Variants in NCOA2 observed in about 807,000 individuals in gnomAD.
NCOA2 encodes the protein class E basic helix-loop-helix protein 75.
A neutral mutation model predicts 145.1 loss-of-function variants in NCOA2; 21 were observed. That is an observed-to-expected ratio of 0.14 (90% confidence interval 0.10 to 0.21). The LOEUF is 0.21. NCOA2 is among the 10% of genes least tolerant of loss of function. The pLI, the probability that NCOA2 is intolerant of heterozygous loss-of-function variation, is 1.00. For missense variants in NCOA2, 1,472 were observed against 1,837.6 expected, an observed-to-expected ratio of 0.80 and a Z score of 3.64; for synonymous variants, 619 against 637.5, an observed-to-expected ratio of 0.97 and a Z score of 0.44.
chr8:70,284,839 G>GAGGGAGA (rs555064786), intron 2 of NCOA2, among the ~76,000 whole-genome samples: 6,880 of 147,072 alleles, frequency 0.047, 258 homozygotes, highest in East Asian at 0.19. Context: ...AGACAGGAGA[G>GAGGGAGA]AGGGAGAAGG....
chr8:70,317,747 A>G (rs1296330408), intron 1 of NCOA2, among the ~76,000 whole-genome samples: 2 of 152,056 alleles, frequency 1.3e-5, no homozygotes, highest in African/African-American at 4.8e-5. Context: ...AGGGGCATCT[A>G]TTGGTATGTA....
At chr8:70,402,489 G>C (rs1814380284) in intron 1 of NCOA2, 2 of 152,230 alleles carry the variant, frequency 1.3e-5, no homozygotes, top group Non-Finnish European at 2.9e-5. Context: ...ATCTAACCAG[G>C]GACCGACCCA....
chr8:70,406,444 A>T (rs557653631), upstream of NCOA2, among the ~76,000 whole-genome samples: 2 of 152,216 alleles, frequency 1.3e-5, no homozygotes, highest in Non-Finnish European at 2.9e-5. Flanking sequence ...AAATTAAGAA[A>T]GGAAGAAGAA....
At position 70,166,632 on chromosome 8, in the gene NCOA2, G is replaced by C. The variant is rs1813647118; in HGVS notation, c.664C>G (p.Gln222Glu). The change falls in exon 7 of 23, where the codon CAG becomes GAG. Residue 222 changes from glutamine (Q) to glutamate (E), a missense_variant. Around this residue, in one of 4 missense-constraint regions of NCOA2, gnomAD observed 284 missense variants for 467.8 expected, o/e 0.61. Transcript: ENST00000452400. ...AAGCACTGCATAGTTTCATATTTCT[G>C]ATGAGCTTCCTGGTTATCATGACCC... is the stretch of plus-strand genomic sequence containing the variant. Reference protein sequence around the residue: ...EEGHDNQEAHQKYETMQCFAV... With the variant: ...EEGHDNQEAHEKYETMQCFAV... The C allele has an allele frequency of 5.6e-6, 9 of 1,613,868 alleles. No individual in the cohort carries two copies. Among genetic ancestry groups the C allele is most frequent in the African/African-American group, 1.3e-5 (1 of 74,918 alleles).
intron 1 of NCOA2, among the ~76,000 whole-genome samples, chr8:70,349,370 A>G (rs562750736): frequency 6.6e-6 from 1 of 152,308 alleles, no homozygotes; most frequent in East Asian, 1.9e-4. Flanking sequence ...AAATTTACAT[A>G]TGGGTAATAT....
At chr8:70,141,474 C>A in intron 13 of NCOA2, 75 bp from the exon 14 acceptor site, 2 of 1,300,730 alleles carry the variant, frequency 1.5e-6, no homozygotes, top group South Asian at 1.3e-5. Context: ...ACCAGATGAT[C>A]TTACCCTACA....
chr8:70,213,083 A>C (rs76195845), intron 4 of NCOA2, among the ~76,000 whole-genome samples: 2 of 148,962 alleles, frequency 1.3e-5, no homozygotes, highest in African/African-American at 5.0e-5. Context: ...AGACTGTCTC[A>C]AAAAAAACAC....
intron 4 of NCOA2, among the ~76,000 whole-genome samples, chr8:70,182,753 C>T (rs2133028499): frequency 6.6e-6 from 1 of 152,210 alleles, no homozygotes; most frequent in East Asian, 1.9e-4. Context: ...AACAATTTGT[C>T]CAAAATCTTC....
Position 70,144,654 on chromosome 8 carries a change from T to G in NCOA2, c.2800A>C (p.Asn934His). Residue 934 changes from asparagine (N) to histidine (H), a missense_variant, in exon 13 of 23, where the codon AAC (asparagine) becomes CAC (histidine). Physicochemically the swap from Asn to His is moderately conservative, Grantham distance 68. Transcript: ENST00000452400. ...GMIGNQGNLG[N>H]SSTGMIGNSA... is the part of the protein sequence containing the mutation. ...TTTGACCCCTTACCTGTGCTACTGT[T>G]CCCTAAATTTCCTTGGTTTCCTATC... is the stretch of plus-strand genomic sequence containing the variant. 6.2e-7 allele frequency: 1 copy of G among 1,613,812 alleles called. No individual in the cohort carries two copies. The highest frequency in any genetic ancestry group is 1.7e-5 in the Admixed American group (1 of 60,018).
intron 1 of NCOA2, among the ~76,000 whole-genome samples, chr8:70,400,016 A>G (rs1450272544): frequency 6.6e-6 from 1 of 152,246 alleles, no homozygotes; most frequent in Non-Finnish European, 1.5e-5. Flanking sequence ...TTAATAAGAT[A>G]CAACTATAAA....
chr8:70,441,661 G>A, the NCOA2 span, among the ~76,000 whole-genome samples: 4 of 148,040 alleles, frequency 2.7e-5, no homozygotes, highest in Non-Finnish European at 6.0e-5. Context: ...GCATTTAACA[G>A]GGTCATGGTC....
chr8:70,184,225 C>G (rs1035744225), intron 4 of NCOA2, among the ~76,000 whole-genome samples: 1 of 152,128 alleles, frequency 6.6e-6, no homozygotes, highest in Non-Finnish European at 1.5e-5. Context: ...ACCTGAGCCA[C>G]GAAGTTTAAA....
At chr8:70,451,235 A>ATATACATAT in the NCOA2 span, among the ~76,000 whole-genome samples, 1 of 98,644 alleles carries the variant, frequency 1.0e-5, no homozygotes, top group East Asian at 2.8e-4. Context: ...AAAAAAAAAA[A>ATATACATAT]AAATATATAT....
chr8:70,167,725 A>G (rs1294554072), intron 6 of NCOA2, among the ~76,000 whole-genome samples: 1 of 152,234 alleles, frequency 6.6e-6, no homozygotes, highest in Non-Finnish European at 1.5e-5. Flanking sequence ...TTAAAACTAA[A>G]AAAAGTATAT....
chr8:70,455,026 G>T, the NCOA2 span, among the ~76,000 whole-genome samples: 1 of 152,198 alleles, frequency 6.6e-6, no homozygotes, highest in African/African-American at 2.4e-5. Context: ...TAGTAACTTT[G>T]TGGCTCCAAG....
intron 2 of NCOA2, among the ~76,000 whole-genome samples, chr8:70,239,673 G>C (rs532783362): frequency 7.9e-5 from 12 of 152,258 alleles, no homozygotes; most frequent in Non-Finnish European, 1.6e-4. Flanking sequence ...TGGCACAAAA[G>C]TTCTATCCAG....
chr8:70,124,065 G>T lies in NCOA2; in HGVS notation c.4112C>A (p.Ser1371Tyr). The change falls in exon 21 of 23, where the codon TCC becomes TAC. Residue 1371 changes from serine to tyrosine, a missense_variant. Physicochemically the swap from Ser to Tyr is moderately radical, Grantham distance 144. Transcript: ENST00000452400. The part of the protein sequence containing the change: ...MGGNSMFSQQ[S>Y]PPHFGQQANT... ...TGCTTGCTGCCCAAAGTGTGGTGGG[G>T]ACTGCTGGGAAAACATGCTGGAATA... 6.2e-7 allele frequency: 1 copy of T among 1,613,470 alleles called. No individual in the cohort carries two copies. The highest frequency in any genetic ancestry group is 1.1e-5 in the South Asian group (1 of 90,966).
chr8:70,330,784 C>T (rs1298035089), intron 1 of NCOA2, among the ~76,000 whole-genome samples: 1 of 152,166 alleles, frequency 6.6e-6, no homozygotes, highest in African/African-American at 2.4e-5. Context: ...GTTATGCTTA[C>T]GCAATCTTAA....
rs113177394 is a variant in NCOA2 at position 70,401,565 on chromosome 8, C to T, written c.-77+2135G>A. On this transcript the variant is annotated intron_variant, in intron 1 of 22. Transcript: ENST00000452400. The stretch of plus-strand genomic sequence containing the variant: ...AAACCACAACTTTTTTTTTTAATGA[C>T]ATCCCCAATGCCGAAGTTTCAAGTA... Among the ~76,000 whole-genome samples the T allele has an allele frequency of 9.4e-4, 142 of 151,310 alleles. 2 individuals are homozygous for T. The highest frequency in any genetic ancestry group is 3.4e-3 in the African/African-American group (140 of 41,198).
Sources: allele counts gnomAD v4.1 joint callset (sites outside exome capture counted in the v4.1 genomes callset), GRCh38; gene constraint gnomAD v4.1.1; regional missense constraint gnomAD v4.1.1; transcripts MANE v1.5; gene names NCBI Gene and HGNC (gene_info 2026-07-23, HGNC 2026-07-21).